HS2ST1: variants seen among roughly 807,000 people sequenced by gnomAD.
HS2ST1 encodes heparan sulfate 2-O-sulfotransferase 1, also known as 2-O-sulfotransferase.
In HS2ST1, 18 loss-of-function variants were observed where a neutral mutation model predicts 42.9. The observed-to-expected ratio is 0.42, with a 90% CI of 0.29 to 0.62. The LOEUF is 0.62. HS2ST1 is among the 20% of genes least tolerant of loss of function. The pLI, the probability that HS2ST1 is intolerant of heterozygous loss-of-function variation, is 0.21. For missense variants in HS2ST1, 334 were observed against 433.8 expected, an observed-to-expected ratio of 0.77 and a Z score of 2.04; for synonymous variants, 146 against 152.9, an observed-to-expected ratio of 0.95 and a Z score of 0.33.
At chr1:86,994,277 T>G (rs1649034693) in intron 1 of HS2ST1, among the ~76,000 whole-genome samples, 1 of 152,234 alleles carries the variant, frequency 6.6e-6, no homozygotes, top group South Asian at 2.1e-4. Flanking sequence ...AAACTTGTGT[T>G]TGTATAGCTG....
At chr1:86,972,651 C>T (rs1312579321) in intron 1 of HS2ST1, among the ~76,000 whole-genome samples, 1 of 152,184 alleles carries the variant, frequency 6.6e-6, no homozygotes, top group Non-Finnish European at 1.5e-5. Flanking sequence ...CACTGGGGGT[C>T]TTGGGGCGCA....
intron 1 of HS2ST1, among the ~76,000 whole-genome samples, chr1:87,054,165 A>T (rs1388760488): frequency 6.6e-6 from 1 of 152,154 alleles, no homozygotes; most frequent in African/African-American, 2.4e-5. Flanking sequence ...AGTTACATTA[A>T]TAGCCTATTT....
intron 1 of HS2ST1, among the ~76,000 whole-genome samples, chr1:86,951,896 T>C (rs1281405568): frequency 6.6e-6 from 1 of 152,210 alleles, no homozygotes; most frequent in African/African-American, 2.4e-5. Flanking sequence ...CCATTTTCTT[T>C]GCTCGTCCCT....
intron 1 of HS2ST1, among the ~76,000 whole-genome samples, chr1:87,009,197 A>G (rs959259016): frequency 6.6e-6 from 1 of 152,198 alleles, no homozygotes; most frequent in Non-Finnish European, 1.5e-5. Flanking sequence ...GCTTGTCACT[A>G]TTACCTCTGT....
At chr1:86,931,707 A>T (rs1391368117) in intron 1 of HS2ST1, among the ~76,000 whole-genome samples, 1 of 152,148 alleles carries the variant, frequency 6.6e-6, no homozygotes, top group Admixed American at 6.6e-5. Context: ...GTAGTTTTCA[A>T]TGCAGAATCC....
rs143845991 is a variant in HS2ST1 at position 87,103,839 on chromosome 1, A to G, written c.844+250A>G. On this transcript the variant is annotated intron_variant, in intron 6 of 6. Coordinates refer to ENST00000370550, the MANE Select transcript of HS2ST1 (RefSeq NM_012262.4). ...CAGCCATAGAAATGTATGGTATTCA[A>G]TAATGCCAGATATCAAACATTAGGC... Among the ~76,000 whole-genome samples, 60 of 152,342 alleles carry G rather than the reference A, an allele frequency of 3.9e-4. 1 individual carries two copies. The highest frequency in any genetic ancestry group is 9.2e-4 in the Admixed American group (14 of 15,294).
chr1:87,011,597 T>C (rs1265316462), intron 1 of HS2ST1, among the ~76,000 whole-genome samples: 1 of 152,180 alleles, frequency 6.6e-6, no homozygotes, highest in Non-Finnish European at 1.5e-5. Flanking sequence ...ATGGGTTCAC[T>C]TTTCTTTTCA....
At chr1:87,091,204 T>C (rs1210804207) in intron 3 of HS2ST1, among the ~76,000 whole-genome samples, 2 of 151,936 alleles carry the variant, frequency 1.3e-5, no homozygotes, top group Non-Finnish European at 2.9e-5. Flanking sequence ...CAAAAAGTAT[T>C]TTTGAAGGAA....
chr1:87,028,522 C>T (rs567786701), intron 1 of HS2ST1, among the ~76,000 whole-genome samples: 19 of 152,250 alleles, frequency 1.2e-4, no homozygotes, highest in African/African-American at 2.9e-4. Context: ...TTTAAAAGAG[C>T]GTTTCTCACT....
intron 2 of HS2ST1, among the ~76,000 whole-genome samples, chr1:87,083,772 TAATAAA>T (rs990512502): frequency 1.3e-5 from 2 of 152,198 alleles, no homozygotes; most frequent in African/African-American, 2.4e-5. Flanking sequence ...GTTGAGTCAT[TAATAAA>T]AATAAACTTT....
chr1:87,106,213 T>C lies in HS2ST1; in HGVS notation c.*1517T>C, dbSNP rs1652321179. 1 of 152,514 alleles carries C rather than the reference T, an allele frequency of 6.6e-6. No individual in the cohort carries two copies. Among genetic ancestry groups the C allele is most frequent in the South Asian group, 2.1e-4 (1 of 4,834 alleles). The allele number at this position is 152,514 out of a possible 1,614,324, so 9.4% of individuals were successfully genotyped here. A position where few individuals can be genotyped will look rare whatever the true frequency, so the allele number is the denominator to read the frequency against. The stretch of plus-strand genomic sequence containing the variant: ...AAGTTAATCTTGATATAAATTTGTG[T>C]TTGATAAATATCCTCTCAGTGTTTT... On this transcript the variant is annotated 3_prime_UTR_variant, in exon 7 of 7. Transcript: ENST00000370550.
intron 1 of HS2ST1, among the ~76,000 whole-genome samples, chr1:86,945,648 G>T (rs1372027662): frequency 6.6e-6 from 1 of 152,154 alleles, no homozygotes; most frequent in Non-Finnish European, 1.5e-5. Flanking sequence ...TATAGACTAG[G>T]TGATTACTTT....
chr1:87,037,314 A>T (rs1650404443), intron 1 of HS2ST1, among the ~76,000 whole-genome samples: 1 of 18,848 alleles, frequency 5.3e-5, no homozygotes, highest in South Asian at 3.5e-3. Context: ...GAGTTGGATA[A>T]CTATTATAAT....
At chr1:86,966,775 G>A (rs1343340990) in intron 1 of HS2ST1, among the ~76,000 whole-genome samples, 2 of 151,786 alleles carry the variant, frequency 1.3e-5, no homozygotes, top group Non-Finnish European at 2.9e-5. Context: ...CTTTTTGTTT[G>A]TTAATTATTT....
At chr1:86,954,624 T>C (rs979037216) in intron 1 of HS2ST1, among the ~76,000 whole-genome samples, 1 of 152,240 alleles carries the variant, frequency 6.6e-6, no homozygotes, top group Non-Finnish European at 1.5e-5. Context: ...AAATTGTTGA[T>C]AATGATTCAT....
intron 1 of HS2ST1, among the ~76,000 whole-genome samples, chr1:86,982,554 G>A (rs909806252): frequency 1.3e-5 from 2 of 151,530 alleles, no homozygotes; most frequent in Admixed American, 6.6e-5. Flanking sequence ...TTGCTGTGTC[G>A]CCCAGGCTGG....
chr1:87,104,481 C>T lies in HS2ST1; in HGVS notation c.856C>T (p.His286Tyr), dbSNP rs1158789968. Residue 286 changes from histidine (H) to tyrosine (Y), a missense_variant, in exon 7 of 7, where the codon CAT becomes TAT. Physicochemically the swap from His to Tyr is moderately conservative, Grantham distance 83. Coordinates refer to ENST00000370550, the MANE Select transcript of HS2ST1 (RefSeq NM_012262.4). ...TELYRTGKKSHLRKTTEKKLP... is the reference protein window; with the variant it reads ...TELYRTGKKSYLRKTTEKKLP... ...CCCTTTGTAAGTAGGAAAGAAATCT[C>T]ATCTTAGGAAAACCACAGAGAAGAA... The T allele has an allele frequency of 1.2e-6, 2 of 1,606,804 alleles. No individual in the cohort carries two copies.
chr1:86,915,103 G>T lies in HS2ST1; in HGVS notation c.67G>T (p.Ala23Ser), dbSNP rs1186504135. Residue 23 changes from alanine to serine, a missense_variant, in exon 1 of 7, where the codon GCG becomes TCG. Coordinates refer to ENST00000370550, the MANE Select transcript of HS2ST1 (RefSeq NM_012262.4). The stretch of plus-strand genomic sequence containing the variant: ...GCTGGCGGTGGTGGCCTTCGCGGTG[G>T]CGATGCTCTTCTTGGAAAACCAGAT... ...QLLAVVAFAV[A>S]MLFLENQIQK... 2 of 1,614,006 alleles carry T rather than the reference G, an allele frequency of 1.2e-6. No individual in the cohort carries two copies. The highest frequency in any genetic ancestry group is 1.7e-5 in the Admixed American group (1 of 60,010).
At chr1:87,085,201 A>C (rs4656141) in intron 3 of HS2ST1, among the ~76,000 whole-genome samples, 19,212 of 152,066 alleles carry the variant, frequency 0.13, 1,296 homozygotes, top group African/African-American at 0.15. Context: ...ACACTAAAAA[A>C]ATTTTTTTTA....
Sources: allele counts gnomAD v4.1 joint callset (sites outside exome capture counted in the v4.1 genomes callset), GRCh38; gene constraint gnomAD v4.1.1; transcripts MANE v1.5; gene names NCBI Gene and HGNC (gene_info 2026-07-23, HGNC 2026-07-21).